The following OXCT1 variants were observed in gnomAD, a reference collection of about 807,000 sequenced individuals.
The protein encoded by OXCT1 is succinyl-CoA:3-ketoacid coenzyme A transferase 1, mitochondrial.
A neutral mutation model predicts 69.6 loss-of-function variants in OXCT1; 27 were observed. The ratio of observed to expected loss-of-function variants is 0.39; its 90% confidence interval spans 0.29 to 0.54. The LOEUF (loss-of-function observed/expected upper bound fraction) is 0.54. Among genes scored for constraint, OXCT1 ranks in the 20% least tolerant of loss-of-function variants. The pLI is 0.72. For synonymous variants in OXCT1, 202 were observed against 217.8 expected (o/e 0.93, Z 0.64); for missense variants, 437 against 650.2 (o/e 0.67, Z 3.57).
At chr5:41,781,799 GGCTGCATAGTATA>G (rs1745415008) in intron 13 of OXCT1, among the ~76,000 whole-genome samples, 1 of 152,136 alleles carries the variant, frequency 6.6e-6, no homozygotes, top group African/African-American at 2.4e-5. Flanking sequence ...TTCTTTATAT[GGCTGCATAGTATA>G]GCATGGTATA....
chr5:41,868,032 C>A (rs972726301), intron 1 of OXCT1, among the ~76,000 whole-genome samples: 3 of 152,204 alleles, frequency 2.0e-5, no homozygotes, highest in Non-Finnish European at 4.4e-5. Context: ...TTTAGGGCCC[C>A]ACCCAGGACC....
intron 13 of OXCT1, among the ~76,000 whole-genome samples, chr5:41,784,161 T>C (rs1388478874): frequency 1.3e-5 from 2 of 152,242 alleles, no homozygotes; most frequent in South Asian, 4.1e-4. Context: ...ATTTAACAAG[T>C]ATTGCAAGAT....
chr5:41,823,352 A>G (rs1206286197), intron 7 of OXCT1, among the ~76,000 whole-genome samples: 2 of 152,196 alleles, frequency 1.3e-5, no homozygotes, highest in Non-Finnish European at 2.9e-5. Flanking sequence ...GGGATCCTAG[A>G]CATAAAACTC....
intron 14 of OXCT1, among the ~76,000 whole-genome samples, chr5:41,755,996 A>G (rs1296667034): frequency 2.6e-5 from 4 of 152,098 alleles, no homozygotes; most frequent in African/African-American, 9.7e-5. Flanking sequence ...GCCAGGAGAG[A>G]GTGAGTGAAG....
rs201425189 is a variant in OXCT1, at chr5:41,782,044, TG to T, written c.1248+11958del. Among the ~76,000 whole-genome samples, 875 of 152,142 alleles carry T rather than the reference TG, an allele frequency of 5.8e-3. 3 individuals carry two copies. Among genetic ancestry groups the T allele is most frequent in the Admixed American group, 0.012 (182 of 15,286 alleles). On this transcript the variant is annotated intron_variant, in intron 13 of 16. Transcript: ENST00000196371. ...GGAATTGCCACACTGTCTTCCAAAA[TG>T]GTTGAATTAATTTACACTCCCACCA...
chr5:41,731,642 T>C lies in OXCT1; in HGVS notation c.*87A>G. 1 of 1,524,256 alleles carries C rather than the reference T, an allele frequency of 6.6e-7. No homozygotes were observed. Among genetic ancestry groups the C allele is most frequent in the South Asian group, 1.2e-5 (1 of 82,848 alleles). 94.4% of individuals were successfully genotyped at this position (1,524,256 alleles called of 1,614,324 possible). On this transcript the variant is annotated 3_prime_UTR_variant, in exon 17 of 17. Transcript: ENST00000196371. ...AACTAATAAAAAACCACCTGTTAAA[T>C]ACACAATTATGATTATTGATGTCCT...
In OXCT1 at chr5:41,732,723, A is replaced by C. The variant is rs1423085186; in HGVS notation, c.1522-953T>G. 3.3e-5 allele frequency among the ~76,000 whole-genome samples: 5 copies of C among 152,258 alleles called. No homozygotes were observed. The East Asian group carries it at 9.6e-4, about 29-fold the overall frequency. ...TCTTAAATTGATAAATGAACAAATG[A>C]ATGAATAAGTAGATAATTATATAAG... On this transcript the variant is annotated intron_variant, in intron 16 of 16. Transcript: ENST00000196371.
chr5:41,777,699 C>CT (rs1298040915), intron 13 of OXCT1, among the ~76,000 whole-genome samples: 1 of 152,178 alleles, frequency 6.6e-6, no homozygotes, highest in African/African-American at 2.4e-5. Context: ...ACAGTCAGAT[C>CT]TTTCAGGACT....
chr5:41,779,783 C>T (rs55957622), intron 13 of OXCT1, among the ~76,000 whole-genome samples: 7,638 of 151,196 alleles, frequency 0.051, 649 homozygotes, highest in African/African-American at 0.17. Flanking sequence ...AAGAGTAACT[C>T]CTCCAAGCCT....
chr5:41,732,496 T>G (rs1473575120), intron 16 of OXCT1, among the ~76,000 whole-genome samples: 2 of 152,174 alleles, frequency 1.3e-5, no homozygotes, highest in Non-Finnish European at 2.9e-5. Flanking sequence ...GTGGTCAGTT[T>G]AACTGAGACA....
intron 7 of OXCT1, among the ~76,000 whole-genome samples, chr5:41,818,825 C>T (rs561470654): frequency 1.3e-5 from 2 of 151,792 alleles, no homozygotes; most frequent in South Asian, 4.2e-4. Context: ...CACTTTTTCC[C>T]ACATTTCTTA....
At chr5:41,756,038 C>T (rs1190369515) in intron 14 of OXCT1, among the ~76,000 whole-genome samples, 1 of 151,990 alleles carries the variant, frequency 6.6e-6, no homozygotes, top group Non-Finnish European at 1.5e-5. Context: ...CACTAATAAG[C>T]TTAAGGTAAT....
chr5:41,809,496 G>A (rs1475104014), intron 7 of OXCT1, among the ~76,000 whole-genome samples: 3 of 151,972 alleles, frequency 2.0e-5, no homozygotes, highest in African/African-American at 2.4e-5. Context: ...CTTCTTGCCT[G>A]CACATTTGAA....
chr5:41,781,613 T>C (rs761028359), intron 13 of OXCT1, among the ~76,000 whole-genome samples: 3 of 152,194 alleles, frequency 2.0e-5, no homozygotes, highest in Middle Eastern at 3.4e-3. Flanking sequence ...GCTCCCCCCA[T>C]ACCCCAACAG....
At chr5:41,805,708 T>C in intron 8 of OXCT1, 27 bp from the exon 9 acceptor site, 1 of 1,437,326 alleles carries the variant, frequency 7.0e-7, no homozygotes, top group Non-Finnish European at 9.8e-7. Context: ...AATAAATTAT[T>C]CGTGGTTGAG....
At chr5:41,865,213 C>A (rs1019962709) in intron 1 of OXCT1, among the ~76,000 whole-genome samples, 1 of 152,112 alleles carries the variant, frequency 6.6e-6, no homozygotes, top group Non-Finnish European at 1.5e-5. Context: ...TTTTGGTACC[C>A]ATTAACCCTC....
intron 13 of OXCT1, among the ~76,000 whole-genome samples, chr5:41,789,244 AATACGT>A (rs1745798133): frequency 1.3e-5 from 2 of 152,234 alleles, no homozygotes; most frequent in South Asian, 4.1e-4. Context: ...AGCCATAAAC[AATACGT>A]AAATGAGTGG....
chr5:41,870,049 C>A lies in OXCT1; in HGVS notation c.78+232G>T, dbSNP rs1424571353. 1.1e-5 allele frequency: 6 copies of A among 561,588 alleles called. No homozygotes were observed. The East Asian group carries it at 1.5e-4, about 14-fold the overall frequency. 34.8% of individuals were successfully genotyped at this position (561,588 alleles called of 1,614,324 possible). A position where few individuals can be genotyped will look rare whatever the true frequency, so the allele number is the denominator to read the frequency against. ...TCAGCCTCTCCGCGCGCTTCTTTAT[C>A]GCGTCTCGCTCCATCAGGGAAGCGA... On this transcript the variant is annotated intron_variant, in intron 1 of 16. Coordinates refer to ENST00000196371, the MANE Select transcript of OXCT1 (RefSeq NM_000436.4). The surrounding 1 kb of genome is among the most constrained non-coding windows in gnomAD (Gnocchi z 4.2).
intron 7 of OXCT1, among the ~76,000 whole-genome samples, chr5:41,822,392 T>C (rs560754916): frequency 1.3e-5 from 2 of 152,164 alleles, no homozygotes; most frequent in Non-Finnish European, 2.9e-5. Flanking sequence ...GACCTCTTTA[T>C]CATTATGGAC....
Sources: allele counts gnomAD v4.1 joint callset (sites outside exome capture counted in the v4.1 genomes callset), GRCh38; gene constraint gnomAD v4.1.1; non-coding constraint Gnocchi (gnomAD v3.1); transcripts MANE v1.5; gene names NCBI Gene and HGNC (gene_info 2026-07-23, HGNC 2026-07-21).